Variants in SEPTIN6 observed in about 807,000 individuals in gnomAD.
SEPTIN6 encodes the protein septin-6.
In SEPTIN6, 8 loss-of-function variants were observed where a neutral mutation model predicts 33.6. The ratio of observed to expected loss-of-function variants is 0.24; its 90% CI spans 0.14 to 0.43. SEPTIN6 has a LOEUF of 0.43. Among genes scored for constraint, SEPTIN6 ranks in the 20% least tolerant of loss-of-function variants. The probability of loss-of-function intolerance (pLI) is 1.00; values close to 1 mark genes in which losing one functional copy is unlikely to be tolerated. For synonymous variants in SEPTIN6, 131 were observed against 140.0 expected, an observed-to-expected ratio of 0.94 and a Z score of 0.45; for missense variants, 250 against 340.8, an observed-to-expected ratio of 0.73 and a Z score of 2.10.
intron 5 of SEPTIN6, among the ~76,000 whole-genome samples, chrX:119,647,853 A>T (rs1364883600): frequency 9.3e-6 from 1 of 107,166 alleles, no homozygotes. Context: ...GGGTTTCTCC[A>T]TGTTGGTCAG....
At chrX:119,637,511 A>G (rs975843350) in intron 6 of SEPTIN6, among the ~76,000 whole-genome samples, 1 of 111,695 alleles carries the variant, frequency 9.0e-6, no homozygotes, top group African/African-American at 3.3e-5. Flanking sequence ...GCATATATGC[A>G]TCTGTCCATC....
intron 2 of SEPTIN6, among the ~76,000 whole-genome samples, chrX:119,668,335 AGAG>A (rs201889745): frequency 4.3e-3 from 191 of 44,603 alleles, no homozygotes; most frequent in African/African-American, 0.033. Flanking sequence ...AGAGAGAGAC[AGAG>A]AGAGAGACAG....
At chrX:119,644,421 T>A (rs1370596041) in intron 5 of SEPTIN6, among the ~76,000 whole-genome samples, 6 of 104,879 alleles carry the variant, frequency 5.7e-5, no homozygotes, top group African/African-American at 1.5e-4. Flanking sequence ...AAAAAAAAAA[T>A]TTATTCCTCA....
At chrX:119,652,172 T>C (rs2054361832) in intron 4 of SEPTIN6, among the ~76,000 whole-genome samples, 1 of 112,093 alleles carries the variant, frequency 8.9e-6, no homozygotes, top group African/African-American at 3.2e-5. Context: ...GACCCGCCTA[T>C]CTTGGCCTCC....
chrX:119,650,159 A>C, intron 4 of SEPTIN6, 61 bp from the exon 5 acceptor site: 1 of 1,112,335 alleles, frequency 9.0e-7, no homozygotes, highest in Non-Finnish European at 1.2e-6. Context: ...TAGCAGCATG[A>C]CCTAGGACTT....
chrX:119,617,634 C>T lies in SEPTIN6; in HGVS notation c.*2459G>A, dbSNP rs909807964. 5 of 801,997 alleles carry T rather than the reference C, an allele frequency of 6.2e-6. No homozygotes were observed. The highest frequency in any genetic ancestry group is 2.2e-5 in the African/African-American group (1 of 45,663). The allele number at this position is 801,997 out of a possible 1,213,427, so 66.1% of individuals were successfully genotyped here. On this transcript the variant is annotated 3_prime_UTR_variant, in exon 11 of 11. Transcript: ENST00000394610. ...AGTTACTCTGAACATCAAAAGACCTCGTATCCAGGAATGTAACGTATATAA... is the reference window on the plus strand; with the variant it reads ...AGTTACTCTGAACATCAAAAGACCTTGTATCCAGGAATGTAACGTATATAA...
At position 119,667,683 on chromosome X, in the gene SEPTIN6, C is replaced by G. The variant is rs188627814; in HGVS notation, c.146-4006G>C. 5.4e-5 allele frequency among the ~76,000 whole-genome samples: 6 copies of G among 110,285 alleles called. No individual in the cohort carries two copies. In the East Asian group the frequency reaches 1.7e-3, roughly 32 times the overall value. On this transcript the variant is annotated intron_variant, in intron 2 of 10. Transcript: ENST00000394610. The stretch of plus-strand genomic sequence containing the variant: ...TCCCACGGCTGCCCTGGGCCCAGTA[C>G]TGAGTGTGAGTGTGTTGTGAGGGGG...
intron 3 of SEPTIN6, among the ~76,000 whole-genome samples, chrX:119,657,232 A>AG (rs1491208870): frequency 9.3e-6 from 1 of 107,147 alleles, no homozygotes; most frequent in African/African-American, 3.4e-5. Flanking sequence ...AAAAAAAAAA[A>AG]CAAAACAAAA....
At position 119,663,463 on chromosome X, in the gene SEPTIN6, A is replaced by AC; in HGVS notation, c.341+18dup. ...TCTACCAACCTCCCCACCCTACCCC[A>AC]CCCCACCGCCTTCTTTACCTGTCCT... On this transcript the variant is annotated intron_variant, in intron 3 of 10. Coordinates refer to ENST00000394610, the MANE Select transcript of SEPTIN6 (RefSeq NM_145799.4). 3.2e-6 allele frequency: 1 copy of AC among 313,652 alleles called. No individual in the cohort carries two copies. The highest frequency in any genetic ancestry group is 5.3e-6 in the Non-Finnish European group (1 of 189,469). The allele number at this position is 313,652 out of a possible 1,213,427, so 25.8% of individuals were successfully genotyped here.
intron 3 of SEPTIN6, among the ~76,000 whole-genome samples, chrX:119,663,182 C>T (rs917703353): frequency 8.9e-6 from 1 of 111,853 alleles, no homozygotes. Flanking sequence ...GGTCAGAGCT[C>T]GACAGTACCT....
intron 9 of SEPTIN6, chrX:119,628,850 A>G (rs1389222955): frequency 2.0e-5 from 2 of 100,140 alleles, no homozygotes; most frequent in African/African-American, 7.8e-5. Flanking sequence ...GGGTTTCGCC[A>G]TATAGGCCAG....
intron 2 of SEPTIN6, among the ~76,000 whole-genome samples, chrX:119,669,969 A>G (rs2054712861): frequency 9.0e-6 from 1 of 111,615 alleles, no homozygotes. Flanking sequence ...TGCTCTTCAC[A>G]GCCATGACTG....
At chrX:119,656,715 G>A (rs180857145) in intron 3 of SEPTIN6, among the ~76,000 whole-genome samples, 61 of 111,363 alleles carry the variant, frequency 5.5e-4, no homozygotes, top group African/African-American at 1.8e-3. Flanking sequence ...GTGAAACCCC[G>A]TCTCTACTAA....
At chrX:119,641,301 G>A (rs923585008) in intron 5 of SEPTIN6, among the ~76,000 whole-genome samples, 7 of 111,601 alleles carry the variant, frequency 6.3e-5, no homozygotes, top group African/African-American at 2.0e-4. Flanking sequence ...ATCCTTCCCC[G>A]GAGAAAGAGC....
intron 2 of SEPTIN6, among the ~76,000 whole-genome samples, chrX:119,673,292 G>A (rs1398719259): frequency 9.0e-6 from 1 of 111,071 alleles, no homozygotes; most frequent in East Asian, 2.8e-4. Context: ...GAGCCTGGGA[G>A]GTTGAGGCTG....
chrX:119,620,143 T>C, intron 10 of SEPTIN6, 92 bp from the exon 11 acceptor site: 1 of 707,138 alleles, frequency 1.4e-6, no homozygotes, highest in Admixed American at 3.0e-5. Context: ...TAATGAGGAC[T>C]AATGGCTAAA....
chrX:119,653,935 AGCTCATGCCT>A (rs1297897066), intron 3 of SEPTIN6, among the ~76,000 whole-genome samples: 1 of 110,539 alleles, frequency 9.0e-6, no homozygotes, highest in African/African-American at 3.3e-5. Context: ...CAGCTGTGGT[AGCTCATGCCT>A]GTAATCCCAG....
chrX:119,672,601 T>C (rs375604230), intron 2 of SEPTIN6, among the ~76,000 whole-genome samples: 1 of 112,556 alleles, frequency 8.9e-6, no homozygotes. Flanking sequence ...ACAGGTCATA[T>C]GGAGTTCTGG....
intron 4 of SEPTIN6, among the ~76,000 whole-genome samples, chrX:119,650,724 G>A (rs1007007885): frequency 1.8e-5 from 2 of 111,516 alleles, no homozygotes; most frequent in Admixed American, 1.9e-4. Context: ...TGCTCAGTGA[G>A]GATGCACACC....
Sources: gnomAD v4.1 joint callset for allele counts (sites outside exome capture counted in the v4.1 genomes callset) on GRCh38, gnomAD v4.1.1 for gene constraint, MANE v1.5 for transcripts, NCBI Gene and HGNC (gene_info 2026-07-23, HGNC 2026-07-21) for gene names.